The following DCHS2 variants were observed in gnomAD, a reference collection of about 807,000 sequenced individuals.
DCHS2 encodes dachsous cadherin-related 2, also known as protocadherin-23.
In DCHS2, 142 loss-of-function variants were observed where a neutral mutation model predicts 182.4. The observed-to-expected ratio is 0.78, with a 90% confidence interval of 0.68 to 0.89. The LOEUF is 0.89. Among genes scored for constraint, DCHS2 ranks in the 40% least tolerant of loss-of-function variants. DCHS2 has a pLI of 0.00. For synonymous variants in DCHS2, 1,740 were observed against 1,663.3 expected (o/e 1.05, Z -1.12); for missense variants, 4,319 against 4,198.6 (o/e 1.03, Z -0.79).
intron 9 of DCHS2, among the ~76,000 whole-genome samples, chr4:154,317,083 CA>C (rs1476437324): frequency 2.6e-5 from 4 of 152,138 alleles, no homozygotes; most frequent in Admixed American, 2.0e-4. Context: ...GCCATAGCCA[CA>C]AAAAACTCAC....
At chr4:154,326,745 C>T (rs2111349195) in intron 7 of DCHS2, among the ~76,000 whole-genome samples, 1 of 152,012 alleles carries the variant, frequency 6.6e-6, no homozygotes, top group African/African-American at 2.4e-5. Context: ...TTTAACTGGC[C>T]CATTTATTAA....
intron 3 of DCHS2, among the ~76,000 whole-genome samples, chr4:154,358,620 C>T (rs1284202245): frequency 2.0e-5 from 3 of 152,026 alleles, no homozygotes; most frequent in Non-Finnish European, 4.4e-5. Context: ...TGAATGAACA[C>T]TCATCACTTA....
intron 1 of DCHS2, among the ~76,000 whole-genome samples, chr4:154,414,107 C>A (rs1330752840): frequency 1.3e-5 from 2 of 151,726 alleles, no homozygotes; most frequent in Non-Finnish European, 2.9e-5. Flanking sequence ...ATCTCCTCAG[C>A]TTCTAGAATA....
At chr4:154,268,992 A>G (rs1033530630) in intron 14 of DCHS2, 1 of 152,146 alleles carries the variant, frequency 6.6e-6, no homozygotes, top group Admixed American at 6.5e-5. Flanking sequence ...CTTTCCCAGA[A>G]CCCTCAGACA....
chr4:154,355,727 G>T (rs1377742765), intron 3 of DCHS2: 3 of 152,014 alleles, frequency 2.0e-5, no homozygotes, highest in Admixed American at 2.0e-4. Context: ...GGTCCCATAA[G>T]ATTATAATGG....
chr4:154,401,370 TG>T (rs970496646), intron 1 of DCHS2, among the ~76,000 whole-genome samples: 14 of 152,188 alleles, frequency 9.2e-5, no homozygotes, highest in Middle Eastern at 3.4e-3. Context: ...GTTTTCATTT[TG>T]GGGGGGTAAA....
chr4:154,282,073 T>C (rs1048716967), intron 13 of DCHS2, among the ~76,000 whole-genome samples: 49 of 152,044 alleles, frequency 3.2e-4, no homozygotes, highest in African/African-American at 1.1e-3. Flanking sequence ...AACTCCAAAA[T>C]TAATATAATA....
intron 12 of DCHS2, among the ~76,000 whole-genome samples, chr4:154,303,484 C>CA (rs35984605): frequency 0.06 from 5,066 of 84,376 alleles, 503 homozygotes; most frequent in African/African-American, 0.18. Context: ...GTAAGTGAAG[C>CA]AAAAAAAAAA....
At chr4:154,237,223 C>A in intron 19 of DCHS2, 64 bp from the exon 20 acceptor site, 1 of 1,510,466 alleles carries the variant, frequency 6.6e-7, no homozygotes, top group Non-Finnish European at 8.8e-7. Context: ...ATTTAATCGG[C>A]AGTTGACTAT....
intron 1 of DCHS2, among the ~76,000 whole-genome samples, chr4:154,481,323 G>A (rs185293680): frequency 4.6e-5 from 7 of 152,196 alleles, no homozygotes; most frequent in African/African-American, 4.8e-5. Flanking sequence ...GTGCAGTGGC[G>A]CAATCATGGT....
intron 1 of DCHS2, among the ~76,000 whole-genome samples, chr4:154,421,020 G>A (rs1040706166): frequency 2.0e-5 from 3 of 152,006 alleles, no homozygotes; most frequent in Admixed American, 2.0e-4. Flanking sequence ...GGAAAAAAAA[G>A]GCTCAGAAGT....
chr4:154,272,372 G>A (rs1343476727), intron 13 of DCHS2: 1 of 152,080 alleles, frequency 6.6e-6, no homozygotes, highest in East Asian at 1.9e-4. Context: ...CAACATATGA[G>A]AATGGCAGTT....
intron 4 of DCHS2, chr4:154,333,902 T>C: frequency 5.5e-6 from 1 of 181,574 alleles, no homozygotes; most frequent in East Asian, 1.3e-4. Context: ...TAAGGACGCA[T>C]GATTGTATAT....
chr4:154,317,368 A>G (rs1735902309), intron 9 of DCHS2, among the ~76,000 whole-genome samples: 1 of 152,244 alleles, frequency 6.6e-6, no homozygotes, highest in African/African-American at 2.4e-5. Context: ...GCTCTAACAG[A>G]TATCAGCAGC....
intron 3 of DCHS2, among the ~76,000 whole-genome samples, chr4:154,353,415 A>T (rs536056665): frequency 6.6e-6 from 1 of 152,342 alleles, no homozygotes; most frequent in African/African-American, 2.4e-5. Flanking sequence ...TCTAGTTAAA[A>T]GACAAACATT....
intron 7 of DCHS2, chr4:154,323,191 T>C (rs1332696469): frequency 7.7e-6 from 12 of 1,550,248 alleles, no homozygotes; most frequent in African/African-American, 5.5e-5. Flanking sequence ...TCCTCTATTC[T>C]TATGTTTTCC....
intron 16 of DCHS2, among the ~76,000 whole-genome samples, chr4:154,243,849 C>T (rs1297115123): frequency 6.6e-6 from 1 of 152,092 alleles, no homozygotes; most frequent in East Asian, 1.9e-4. Flanking sequence ...CCTCTTGTTC[C>T]ATCCACCCTC....
chr4:154,474,730 C>G (rs865908600), intron 1 of DCHS2, among the ~76,000 whole-genome samples: 2 of 152,154 alleles, frequency 1.3e-5, no homozygotes, highest in African/African-American at 4.8e-5. Context: ...GATACTTAAC[C>G]ATGCTACTCC....
intron 2 of DCHS2, among the ~76,000 whole-genome samples, chr4:154,373,137 G>A (rs1427190146): frequency 6.6e-6 from 1 of 152,138 alleles, no homozygotes. Context: ...ATCCAACAAC[G>A]TAAACCTAAA....
Sources: gnomAD v4.1 joint callset for allele counts (sites outside exome capture counted in the v4.1 genomes callset) on GRCh38, gnomAD v4.1.1 for gene constraint, MANE v1.5 for transcripts, NCBI Gene and HGNC (gene_info 2026-07-23, HGNC 2026-07-21) for gene names.